The following DENND4C variants were observed in gnomAD, a reference collection of about 807,000 sequenced individuals.
DENND4C encodes the protein DENN domain containing 4C, also known as DENN domain-containing protein 4C.
DENND4C carries 108 observed loss-of-function variants against 203.0 expected under a neutral mutation model. That is an observed-to-expected ratio of 0.53 (90% confidence interval 0.46 to 0.62). The LOEUF (loss-of-function observed/expected upper bound fraction) is 0.62. Among genes scored for constraint, DENND4C ranks in the 20% least tolerant of loss-of-function variants. The probability of loss-of-function intolerance (pLI) is 0.00; values close to 1 mark genes in which losing one functional copy is unlikely to be tolerated. For missense variants in DENND4C, 2,481 were observed against 2,301.2 expected (o/e 1.08, Z -1.60); for synonymous variants, 871 against 792.4 (o/e 1.10, Z -1.67).
intron 1 of DENND4C, among the ~76,000 whole-genome samples, chr9:19,256,297 GTTTTTTTTTTTGT>G (rs1185064255): frequency 1.3e-3 from 160 of 122,576 alleles, no homozygotes; most frequent in Admixed American, 1.7e-3. Flanking sequence ...TTTCTTTTCT[GTTTTTTTTTTTGT>G]TTTTTTTTTT....
At chr9:19,308,158 C>T (rs1445150552) in intron 10 of DENND4C, among the ~76,000 whole-genome samples, 3 of 152,082 alleles carry the variant, frequency 2.0e-5, no homozygotes, top group Admixed American at 6.6e-5. Context: ...TTCTGATCAT[C>T]GTATATATTT....
In DENND4C at chr9:19,335,105, G is replaced by A. The variant is rs1372064579; in HGVS notation, c.2589G>A (p.Lys863=). ...CTATTACTTATGGTTATTATAATAA[G>A]GTAAGTAGGATCGACATTAGGCAAG... The part of the protein sequence containing the change: ...PNAITYGYYN[K]VVLESPWPSS... Residue 863 remains lysine, a splice_region_variant and synonymous_variant, in exon 18 of 33, where the codon AAG becomes AAA. Coordinates refer to ENST00000434457, the MANE Select transcript of DENND4C (RefSeq NM_001330640.2). 2 of 1,567,720 alleles carry A rather than the reference G, an allele frequency of 1.3e-6. No homozygotes were observed. Among genetic ancestry groups the A allele is most frequent in the Admixed American group, 1.9e-5 (1 of 53,654 alleles).
chr9:19,299,129 C>T, intron 7 of DENND4C, 100 bp from the exon 8 acceptor site: 1 of 802,518 alleles, frequency 1.2e-6, no homozygotes, highest in Non-Finnish European at 1.9e-6. Context: ...TTCAATATTA[C>T]CTTTGATCTA....
At position 19,372,202 on chromosome 9, in the gene DENND4C, A is replaced by C. The variant is rs1056438116; in HGVS notation, c.*29A>C. On this transcript the variant is annotated 3_prime_UTR_variant, in exon 33 of 33. Transcript: ENST00000434457. ...GAGATTCACTAGAATGTTGACACAC[A>C]AGGCTTGGGGATTAGATTTCATCTG... 5 of 1,594,128 alleles carry C rather than the reference A, an allele frequency of 3.1e-6. No individual in the cohort carries two copies. Among genetic ancestry groups the C allele is most frequent in the Non-Finnish European group, 4.3e-6 (5 of 1,170,778 alleles).
At position 19,305,365 on chromosome 9, in the gene DENND4C, T is replaced by G; in HGVS notation, c.1325T>G (p.Phe442Cys). The part of the protein sequence containing the change: ...AEAVVAMIFP[F>C]QWQCPYIPLC... Reference sequence around the variant, plus strand: ...CTTTTTCCCCAGATGATCTTTCCATTTCAGTGGCAATGCCCATATATTCCC... The same window carrying G: ...CTTTTTCCCCAGATGATCTTTCCATGTCAGTGGCAATGCCCATATATTCCC... The change falls in exon 10 of 33, where the codon TTT (phenylalanine) becomes TGT (cysteine). Residue 442 changes from phenylalanine (F) to cysteine (C), a missense_variant. Around this residue, in one of 3 missense-constraint regions of DENND4C, gnomAD observed 2,289 missense variants for 2,113.3 expected, o/e 1.08. Coordinates refer to ENST00000434457, the MANE Select transcript of DENND4C (RefSeq NM_001330640.2). The G allele has an allele frequency of 6.2e-7, 1 of 1,601,386 alleles. No individual in the cohort carries two copies. Among genetic ancestry groups the G allele is most frequent in the Non-Finnish European group, 8.5e-7 (1 of 1,174,090 alleles).
rs760652288 is a variant in DENND4C at position 19,300,224 on chromosome 9, C to G, written c.1204C>G (p.Pro402Ala). 2 of 1,611,744 alleles carry G rather than the reference C, an allele frequency of 1.2e-6. No individual in the cohort carries two copies. The highest frequency in any genetic ancestry group is 2.2e-5 in the South Asian group (2 of 90,824). ...TAGCACCTTGCTAATGAATCTGGGT[C>G]CTGAGAATTGTGCAACACTGCTGCT... is the stretch of plus-strand genomic sequence containing the variant. ...NFSTLLMNLG[P>A]ENCATLLLFV... is the part of the protein sequence containing the mutation. Residue 402 changes from proline (P) to alanine (A), a missense_variant, in exon 9 of 33, where the codon CCT (proline) becomes GCT (alanine). Coordinates refer to ENST00000434457, the MANE Select transcript of DENND4C (RefSeq NM_001330640.2).
intron 1 of DENND4C, among the ~76,000 whole-genome samples, chr9:19,259,043 A>G (rs1828693953): frequency 6.6e-6 from 1 of 152,166 alleles, no homozygotes; most frequent in African/African-American, 2.4e-5. Flanking sequence ...GTGTGTGTTC[A>G]CATCAGGGTA....
At chr9:19,308,055 C>G (rs1009620105) in intron 10 of DENND4C, among the ~76,000 whole-genome samples, 2 of 152,002 alleles carry the variant, frequency 1.3e-5, no homozygotes, top group Non-Finnish European at 2.9e-5. Context: ...GCTCACCATT[C>G]TTTGTGAGGT....
At chr9:19,350,225 C>T (rs1823779775) in intron 23 of DENND4C, among the ~76,000 whole-genome samples, 1 of 152,138 alleles carries the variant, frequency 6.6e-6, no homozygotes, top group African/African-American at 2.4e-5. Context: ...ATCACAGCAG[C>T]TTTATTTGAA....
intron 2 of DENND4C, among the ~76,000 whole-genome samples, chr9:19,282,715 C>CTCTTTTTTTTTTTTTTTTTTTT (rs758751945): frequency 1.2e-5 from 1 of 86,664 alleles, no homozygotes; most frequent in African/African-American, 4.4e-5. Context: ...TTTCTTCTCT[C>CTCTTTTTTTTTTTTTTTTTTTT]TTTTTTTTTT....
At position 19,328,132 on chromosome 9, in the gene DENND4C, T is replaced by G. The variant is rs1453604617; in HGVS notation, c.2223T>G (p.Ser741Arg). 1.2e-6 allele frequency: 2 copies of G among 1,612,902 alleles called. No homozygotes were observed. Among genetic ancestry groups the G allele is most frequent in the Non-Finnish European group, 1.7e-6 (2 of 1,179,652 alleles). Residue 741 changes from serine (S) to arginine (R), a missense_variant, in exon 16 of 33, where the codon AGT (serine) becomes AGG (arginine). Coordinates refer to ENST00000434457, the MANE Select transcript of DENND4C (RefSeq NM_001330640.2). ...RHPTGNSITK[S>R]PPLMAKRTKQ... ...CTACTGGGAATAGCATTACAAAGAGTCCACCTCTCATGGCTAAGAGAACTA... is the reference window on the plus strand; with the variant it reads ...CTACTGGGAATAGCATTACAAAGAGGCCACCTCTCATGGCTAAGAGAACTA...
chr9:19,335,195 G>A (rs1820162632), intron 18 of DENND4C, 90 bp downstream of exon 18: 2 of 820,670 alleles, frequency 2.4e-6, no homozygotes, highest in African/African-American at 3.6e-5. Flanking sequence ...TCCTATTAAA[G>A]GAAGTTTTGG....
chr9:19,267,640 G>A (rs1286075581), intron 1 of DENND4C, among the ~76,000 whole-genome samples: 1 of 151,842 alleles, frequency 6.6e-6, no homozygotes, highest in Non-Finnish European at 1.5e-5. Flanking sequence ...GAGCTCAGGG[G>A]ATCTTCCCAC....
intron 28 of DENND4C, 30 bp from the exon 29 acceptor site, chr9:19,360,214 A>G: frequency 6.3e-7 from 1 of 1,599,876 alleles, no homozygotes; most frequent in African/African-American, 1.3e-5. Context: ...TAAACAGATA[A>G]TATTAATTTC....
chr9:19,356,882 C>A, intron 26 of DENND4C, 90 bp from the exon 27 acceptor site: 2 of 1,200,162 alleles, frequency 1.7e-6, no homozygotes, highest in Non-Finnish European at 1.2e-6. Context: ...TTAATGACTG[C>A]TTTAGCAATA....
At position 19,332,159 on chromosome 9, in the gene DENND4C, A is replaced by G. The variant is rs1225198164; in HGVS notation, c.2435A>G (p.Lys812Arg). The change falls in exon 17 of 33, where the codon AAA (lysine) becomes AGA (arginine). Residue 812 changes from lysine to arginine, a missense_variant. Lys to Arg is a conservative substitution (Grantham distance 26, BLOSUM62 2). Around this residue, in one of 3 missense-constraint regions of DENND4C, gnomAD observed 2,289 missense variants for 2,113.3 expected, o/e 1.08. Coordinates refer to ENST00000434457, the MANE Select transcript of DENND4C (RefSeq NM_001330640.2). ...TATGATGTACTTATTAAGATGAGGA[A>G]AACAGATGTGGATCCCTTAGATGAG... ...QAYDVLIKMRKTDVDPLDEVC... is the reference protein window; with the variant it reads ...QAYDVLIKMRRTDVDPLDEVC... 1 of 1,613,996 alleles carries G rather than the reference A, an allele frequency of 6.2e-7. No homozygotes were observed. The highest frequency in any genetic ancestry group is 1.3e-5 in the African/African-American group (1 of 75,024).
intron 16 of DENND4C, among the ~76,000 whole-genome samples, chr9:19,328,765 T>G (rs73435142): frequency 0.016 from 2,362 of 151,968 alleles, 57 homozygotes; most frequent in African/African-American, 0.054. Context: ...TCTGTAGGAA[T>G]TGGCCGGGCG....
intron 27 of DENND4C, 171 bp downstream of exon 27, chr9:19,357,325 A>G (rs1825645687): frequency 1.7e-6 from 1 of 584,290 alleles, no homozygotes; most frequent in Non-Finnish European, 2.9e-6. Context: ...ATCTGATGAT[A>G]AACCATTTTT....
intron 2 of DENND4C, among the ~76,000 whole-genome samples, chr9:19,279,144 C>T (rs567491230): frequency 1.1e-5 from 1 of 89,046 alleles, no homozygotes; most frequent in South Asian, 3.1e-4. Flanking sequence ...TCCTGGCCAA[C>T]ATGATGAAAC....
Sources: allele counts gnomAD v4.1 joint callset (sites outside exome capture counted in the v4.1 genomes callset), GRCh38; gene constraint gnomAD v4.1.1; regional missense constraint gnomAD v4.1.1; transcripts MANE v1.5; gene names NCBI Gene and HGNC (gene_info 2026-07-23, HGNC 2026-07-21).